The following GOLM2 variants were observed in gnomAD, a reference collection of about 807,000 sequenced individuals.
GOLM2 encodes the protein protein GOLM2.
GOLM2 carries 26 observed loss-of-function variants against 55.9 expected under a neutral mutation model. That is an observed-to-expected ratio of 0.47 (90% confidence interval 0.34 to 0.65). The LOEUF (loss-of-function observed/expected upper bound fraction) is 0.65. Ranked by LOEUF, GOLM2 falls within the 30% of genes least tolerant of loss-of-function variation. The pLI, the probability that GOLM2 is intolerant of heterozygous loss-of-function variation, is 0.01. For missense variants in GOLM2, 486 were observed against 531.8 expected (o/e 0.91, Z 0.85); for synonymous variants, 165 against 194.6 (o/e 0.85, Z 1.27).
At chr15:44,325,998 T>C (rs1170398731) in intron 2 of GOLM2, among the ~76,000 whole-genome samples, 10 of 151,972 alleles carry the variant, frequency 6.6e-5, no homozygotes, top group Admixed American at 3.9e-4. Flanking sequence ...GCACGGTGGC[T>C]CACGCTTGTA....
At position 44,414,227 on chromosome 15, in the gene GOLM2, A is replaced by C. The variant is rs185131471; in HGVS notation, c.*821A>C. 2.2e-4 allele frequency: 33 copies of C among 152,346 alleles called. No individual in the cohort carries two copies. The highest frequency in any genetic ancestry group is 1.6e-3 in the Admixed American group (25 of 15,296). The allele number at this position is 152,346 out of a possible 1,614,324, so 9.4% of individuals were successfully genotyped here. On this transcript the variant is annotated 3_prime_UTR_variant, in exon 10 of 10. Coordinates refer to ENST00000299957, the MANE Select transcript of GOLM2 (RefSeq NM_138423.4). ...AGTCATACCTAGAATAGTTACACACAAGAGGGAAACTGGAAGCCAAACACT... is the reference window on the plus strand; with the variant it reads ...AGTCATACCTAGAATAGTTACACACCAGAGGGAAACTGGAAGCCAAACACT...
chr15:44,365,452 G>A (rs889507738), intron 6 of GOLM2, among the ~76,000 whole-genome samples: 1 of 152,108 alleles, frequency 6.6e-6, no homozygotes. Context: ...ACCTGAGCCT[G>A]GGAAGTTGAG....
chr15:44,364,027 A>G (rs1273785539), intron 6 of GOLM2, among the ~76,000 whole-genome samples: 1 of 143,854 alleles, frequency 7.0e-6, no homozygotes. Context: ...GGAACATCAC[A>G]CTCTGGGGAC....
At chr15:44,412,723 C>T (rs1424092781) in intron 9 of GOLM2, among the ~76,000 whole-genome samples, 1 of 152,114 alleles carries the variant, frequency 6.6e-6, no homozygotes, top group East Asian at 1.9e-4. Context: ...TATATTTAGG[C>T]TGGGCACTGT....
chr15:44,300,227 G>A (rs1000570206), intron 1 of GOLM2, among the ~76,000 whole-genome samples: 1 of 150,326 alleles, frequency 6.7e-6, no homozygotes, highest in African/African-American at 2.5e-5. Flanking sequence ...AGAGGGAGAG[G>A]GAGAGGGAAG....
intron 9 of GOLM2, 33 bp from the exon 10 acceptor site, chr15:44,413,303 T>A: frequency 6.6e-7 from 1 of 1,515,902 alleles, no homozygotes; most frequent in East Asian, 2.3e-5. Context: ...ATTTAAAAAA[T>A]AATATGTTGA....
intron 1 of GOLM2, among the ~76,000 whole-genome samples, chr15:44,317,333 T>C (rs942538157): frequency 6.6e-6 from 1 of 152,136 alleles, no homozygotes; most frequent in Non-Finnish European, 1.5e-5. Context: ...GCTGTGGTCA[T>C]GCCACTGCAC....
intron 6 of GOLM2, among the ~76,000 whole-genome samples, chr15:44,360,070 A>G (rs2079226438): frequency 6.6e-6 from 1 of 152,236 alleles, no homozygotes. Context: ...CATGGAAAGG[A>G]ACAACCACTA....
At chr15:44,369,693 TACACACACACACACAC>T (rs3986148) in intron 6 of GOLM2, among the ~76,000 whole-genome samples, 3 of 143,518 alleles carry the variant, frequency 2.1e-5, no homozygotes, top group Non-Finnish European at 3.0e-5. Flanking sequence ...TATATATGCA[TACACACACACACACAC>T]ACACACACAC....
chr15:44,389,144 G>A (rs1410401802), intron 8 of GOLM2, among the ~76,000 whole-genome samples: 1 of 151,976 alleles, frequency 6.6e-6, no homozygotes, highest in Non-Finnish European at 1.5e-5. Context: ...GTACAGTTTT[G>A]CTTTATAGTT....
At position 44,366,581 on chromosome 15, in the gene GOLM2, C is replaced by A. The variant is rs559518015; in HGVS notation, c.803-13109C>A. On this transcript the variant is annotated intron_variant, in intron 6 of 9. Transcript: ENST00000299957. ...CACAGGGGATTGAGGCTGCAGTGAA[C>A]CATGATGACGCCATTGCACTCCAAC... 1.4e-4 allele frequency among the ~76,000 whole-genome samples: 21 copies of A among 152,266 alleles called. No individual in the cohort carries two copies. In the South Asian group the frequency reaches 4.1e-3, roughly 30 times the overall value.
At chr15:44,339,024 T>C (rs1012473273) in intron 6 of GOLM2, among the ~76,000 whole-genome samples, 10 of 152,170 alleles carry the variant, frequency 6.6e-5, no homozygotes, top group African/African-American at 2.4e-4. Flanking sequence ...GGTAGAAAAA[T>C]AAGAAATTAA....
chr15:44,405,835 T>C (rs2079593734), intron 9 of GOLM2, among the ~76,000 whole-genome samples: 2 of 152,224 alleles, frequency 1.3e-5, no homozygotes, highest in East Asian at 3.9e-4. Flanking sequence ...TTGGTCAGGC[T>C]GGCCTCGAAC....
At chr15:44,333,990 C>A (rs1456107491) in intron 4 of GOLM2, among the ~76,000 whole-genome samples, 1 of 152,200 alleles carries the variant, frequency 6.6e-6, no homozygotes, top group Non-Finnish European at 1.5e-5. Context: ...GCTGGGATTA[C>A]AGGCGTGAGG....
rs1007639628 is a variant in GOLM2, at chr15:44,403,197, T to C, written c.1240+143T>C. 1.3e-5 allele frequency: 12 copies of C among 913,144 alleles called. No individual in the cohort carries two copies. The East Asian group carries it at 2.7e-4, about 21-fold the overall frequency. The allele number at this position is 913,144 out of a possible 1,614,324, so 56.6% of individuals were successfully genotyped here. On this transcript the variant is annotated intron_variant, in intron 9 of 9. Transcript: ENST00000299957. ...TTTTCTTTGTGACGGAATTTCGCTT[T>C]TGTTGCCCAGGCTGGAGTCCAATGG...
chr15:44,318,051 G>C (rs1210434573), intron 1 of GOLM2, among the ~76,000 whole-genome samples: 19 of 152,118 alleles, frequency 1.2e-4, no homozygotes, highest in Non-Finnish European at 1.5e-5. Context: ...TTTAGGCTTT[G>C]CAGGCCATAT....
At chr15:44,294,093 A>G (rs1343168310) in intron 1 of GOLM2, among the ~76,000 whole-genome samples, 5 of 152,060 alleles carry the variant, frequency 3.3e-5, no homozygotes, top group Admixed American at 3.3e-4. Context: ...TCCCCTTCTT[A>G]CTTTTATAGT....
chr15:44,321,487 G>GGT (rs2141129725), intron 1 of GOLM2, among the ~76,000 whole-genome samples: 1 of 149,782 alleles, frequency 6.7e-6, no homozygotes, highest in African/African-American at 2.5e-5. Flanking sequence ...AAAAAAAAGG[G>GGT]GGGGTGGGGG....
rs1304686579 is a variant in GOLM2, at chr15:44,414,243, G to A, written c.*837G>A. On this transcript the variant is annotated 3_prime_UTR_variant, in exon 10 of 10. Coordinates refer to ENST00000299957, the MANE Select transcript of GOLM2 (RefSeq NM_138423.4). The stretch of plus-strand genomic sequence containing the variant: ...GTTACACACAAGAGGGAAACTGGAA[G>A]CCAAACACTGTACAGTATTGTGTAG... 1 of 152,186 alleles carries A rather than the reference G, an allele frequency of 6.6e-6. No individual in the cohort carries two copies. The highest frequency in any genetic ancestry group is 1.5e-5 in the Non-Finnish European group (1 of 68,078). The allele number at this position is 152,186 out of a possible 1,614,324, so 9.4% of individuals were successfully genotyped here.
Sources: gnomAD v4.1 joint callset for allele counts (sites outside exome capture counted in the v4.1 genomes callset) on GRCh38, gnomAD v4.1.1 for gene constraint, MANE v1.5 for transcripts, NCBI Gene and HGNC (gene_info 2026-07-23, HGNC 2026-07-21) for gene names.